The following MAML2 variants were observed in gnomAD, a reference collection of about 807,000 sequenced individuals.
MAML2 encodes the protein mastermind-like protein 2.
MAML2 carries 22 observed loss-of-function variants against 96.1 expected under a neutral mutation model. The observed-to-expected ratio is 0.23, with a 90% confidence interval of 0.16 to 0.33. The LOEUF (loss-of-function observed/expected upper bound fraction) is 0.33. Ranked by LOEUF, MAML2 falls within the 10% of genes least tolerant of loss-of-function variation. The pLI is 1.00. For missense variants in MAML2, 1,367 were observed against 1,392.4 expected (o/e 0.98, Z 0.29); for synonymous variants, 561 against 521.3 (o/e 1.08, Z -1.04).
intron 3 of MAML2, 95 bp from the exon 4 acceptor site, chr11:95,985,737 G>T: frequency 1.3e-6 from 1 of 751,988 alleles, no homozygotes; most frequent in South Asian, 1.9e-5. Flanking sequence ...GAAAATATAA[G>T]AACAATTTTG....
intron 3 of MAML2, among the ~76,000 whole-genome samples, chr11:95,988,531 A>C (rs1175811802): frequency 2.0e-5 from 3 of 147,630 alleles, no homozygotes; most frequent in Non-Finnish European, 3.0e-5. Context: ...TATATATAAT[A>C]TTTATAGTAT....
At chr11:95,985,438 T>C in intron 4 of MAML2, 93 bp downstream of exon 4, 1 of 690,182 alleles carries the variant, frequency 1.4e-6, no homozygotes. Context: ...AGAAAGATAT[T>C]ATAATCATAT....
chr11:96,106,152 T>C (rs1420356436), intron 1 of MAML2, among the ~76,000 whole-genome samples: 3 of 152,250 alleles, frequency 2.0e-5, no homozygotes, highest in Admixed American at 2.0e-4. Flanking sequence ...GCCCTCACTT[T>C]GATCTGACTT....
intron 1 of MAML2, among the ~76,000 whole-genome samples, chr11:96,115,192 T>C (rs1860213387): frequency 6.6e-6 from 1 of 150,580 alleles, no homozygotes; most frequent in Admixed American, 6.6e-5. Context: ...AGAGATGGGG[T>C]CTTGCTCTGT....
chr11:96,101,466 A>G (rs545310278), intron 1 of MAML2, among the ~76,000 whole-genome samples: 40 of 152,220 alleles, frequency 2.6e-4, no homozygotes, highest in Non-Finnish European at 5.7e-4. Flanking sequence ...TCTTATCAAG[A>G]CAAATGGGAA....
intron 1 of MAML2, among the ~76,000 whole-genome samples, chr11:96,339,229 C>G (rs896005624): frequency 2.0e-5 from 3 of 152,198 alleles, no homozygotes; most frequent in Admixed American, 2.0e-4. Context: ...AAGATTCCCT[C>G]TTAGGCCAGA....
At chr11:96,213,640 T>C (rs192276388) in intron 1 of MAML2, among the ~76,000 whole-genome samples, 4 of 152,282 alleles carry the variant, frequency 2.6e-5, no homozygotes, top group Admixed American at 2.0e-4. Context: ...TTAATCTTCC[T>C]GGGAACGGGC....
chr11:96,291,823 T>C (rs1291626132), intron 1 of MAML2, among the ~76,000 whole-genome samples: 3 of 152,198 alleles, frequency 2.0e-5, no homozygotes, highest in Admixed American at 6.5e-5. Flanking sequence ...TCTGCGGTTG[T>C]AGAGAACAAT....
At chr11:96,063,392 G>A (rs968922329) in intron 2 of MAML2, among the ~76,000 whole-genome samples, 12 of 152,134 alleles carry the variant, frequency 7.9e-5, no homozygotes, top group African/African-American at 2.9e-4. Context: ...TTTTAGCACT[G>A]TACCCACAGT....
chr11:96,342,601 T>C lies in MAML2; in HGVS notation c.-706A>G, dbSNP rs1245578879. 5 of 393,690 alleles carry C rather than the reference T, an allele frequency of 1.3e-5. No homozygotes were observed. The highest frequency in any genetic ancestry group is 2.1e-5 in the African/African-American group (1 of 48,568). The allele number at this position is 393,690 out of a possible 1,614,324, so 24.4% of individuals were successfully genotyped here. A position where few individuals can be genotyped will look rare whatever the true frequency, so the allele number is the denominator to read the frequency against. ...GTGTTTTCTCCTCTTTGGGGTACTG[T>C]AGGATGTTGTCTTCTCCCAAAAGAG... On this transcript the variant is annotated 5_prime_UTR_variant, in exon 1 of 5. Transcript: ENST00000524717.
At chr11:96,175,423 C>T (rs575963744) in intron 1 of MAML2, among the ~76,000 whole-genome samples, 7 of 152,198 alleles carry the variant, frequency 4.6e-5, no homozygotes, top group Non-Finnish European at 1.0e-4. Flanking sequence ...TGCAAAAACC[C>T]ATAGAGGTAC....
intron 1 of MAML2, among the ~76,000 whole-genome samples, chr11:96,275,269 A>ATTTTTT (rs56407815): frequency 3.6e-5 from 4 of 111,740 alleles, no homozygotes; most frequent in African/African-American, 7.8e-5. Context: ...ACACTAAGGA[A>ATTTTTT]TTTTTTTTTT....
intron 1 of MAML2, among the ~76,000 whole-genome samples, chr11:96,230,244 CA>C (rs1292190786): frequency 6.6e-6 from 1 of 152,026 alleles, no homozygotes; most frequent in East Asian, 1.9e-4. Flanking sequence ...AACATTTGTG[CA>C]AAAATTTTCA....
chr11:96,200,228 G>C (rs1861798516), intron 1 of MAML2, among the ~76,000 whole-genome samples: 1 of 152,150 alleles, frequency 6.6e-6, no homozygotes, highest in African/African-American at 2.4e-5. Flanking sequence ...TAGTCTCTCT[G>C]TATATACTCA....
At chr11:96,112,425 G>C (rs1037128790) in intron 1 of MAML2, among the ~76,000 whole-genome samples, 1 of 152,256 alleles carries the variant, frequency 6.6e-6, no homozygotes, top group African/African-American at 2.4e-5. Flanking sequence ...GTGAAAGCAG[G>C]GCTCCGCCCA....
chr11:96,260,078 C>G (rs887855969), intron 1 of MAML2, among the ~76,000 whole-genome samples: 1 of 151,966 alleles, frequency 6.6e-6, no homozygotes, highest in African/African-American at 2.4e-5. Flanking sequence ...CCTCGGAACA[C>G]CTGTGCCACC....
intron 2 of MAML2, among the ~76,000 whole-genome samples, chr11:96,023,664 G>A (rs977588765): frequency 1.3e-5 from 2 of 152,184 alleles, no homozygotes; most frequent in African/African-American, 2.4e-5. Context: ...CTCCTAAGAG[G>A]CCCTGGAAAC....
intron 1 of MAML2, among the ~76,000 whole-genome samples, chr11:96,338,073 G>T (rs1863941535): frequency 2.6e-5 from 4 of 152,174 alleles, no homozygotes; most frequent in Admixed American, 1.3e-4. Context: ...CTTATCTAGT[G>T]ATCCTAGCAA....
chr11:96,340,222 G>C (rs138898328), intron 1 of MAML2, among the ~76,000 whole-genome samples: 2 of 152,230 alleles, frequency 1.3e-5, no homozygotes, highest in East Asian at 3.8e-4. Flanking sequence ...TCCTTTGGAG[G>C]AGCAGTTAGA....
Sources: gnomAD v4.1 joint callset for allele counts (sites outside exome capture counted in the v4.1 genomes callset) on GRCh38, gnomAD v4.1.1 for gene constraint, MANE v1.5 for transcripts, NCBI Gene and HGNC (gene_info 2026-07-23, HGNC 2026-07-21) for gene names.